Variants in GSE1 observed in about 807,000 individuals in gnomAD.
The protein encoded by GSE1 is Gse1 coiled-coil protein.
A neutral mutation model predicts 112.6 loss-of-function variants in GSE1; 32 were observed. The ratio of observed to expected loss-of-function variants is 0.28; its 90% CI spans 0.21 to 0.38. The LOEUF (loss-of-function observed/expected upper bound fraction) is 0.38, where lower values mean the gene tolerates loss of function less well. Ranked by LOEUF, GSE1 falls within the 10% of genes least tolerant of loss-of-function variation. The probability of loss-of-function intolerance (pLI) is 1.00; values close to 1 mark genes in which losing one functional copy is unlikely to be tolerated. For missense variants in GSE1, 2,348 were observed against 1,699.2 expected, an observed-to-expected ratio of 1.38 and a Z score of -6.71; for synonymous variants, 1,115 against 735.6, an observed-to-expected ratio of 1.52 and a Z score of -8.35.
intron 14 of GSE1, among the ~76,000 whole-genome samples, chr16:85,669,181 A>G (rs1372085961): frequency 2.6e-5 from 4 of 152,364 alleles, no homozygotes; most frequent in African/African-American, 7.2e-5. Context: ...GGAACAGCAG[A>G]GGTACCCAGC....
At chr16:85,331,343 G>GTATATATATA (rs1567692416) in intron 1 of GSE1, among the ~76,000 whole-genome samples, 14 of 84,310 alleles carry the variant, frequency 1.7e-4, no homozygotes, top group African/African-American at 5.1e-4. Flanking sequence ...GTGTGTGTGT[G>GTATATATATA]TGTGTGTGTG....
chr16:85,453,168 G>A (rs190633199), intron 2 of GSE1, among the ~76,000 whole-genome samples: 2 of 151,928 alleles, frequency 1.3e-5, no homozygotes, highest in African/African-American at 4.8e-5. Flanking sequence ...CTCCCGTATC[G>A]GGGGAAGGTT....
chr16:85,357,876 G>T (rs140255261), intron 2 of GSE1, among the ~76,000 whole-genome samples: 1 of 152,196 alleles, frequency 6.6e-6, no homozygotes, highest in Non-Finnish European at 1.5e-5. Context: ...CGATACTCTC[G>T]CCTGCTGGGC....
Position 85,311,324 on chromosome 16 carries a change from G to A in GSE1, c.2284-46139G>A, listed in dbSNP as rs571508830. Among the ~76,000 whole-genome samples the A allele has an allele frequency of 7.9e-5, 12 of 152,346 alleles. No homozygotes were observed. In the South Asian group the frequency reaches 1.9e-3, roughly 24 times the overall value. ...GGGCTCCCTGGACAGGGTGGGCGTCGTTAGAGCAGAAACGGTGGTGGCAGG... is the reference window on the plus strand; with the variant it reads ...GGGCTCCCTGGACAGGGTGGGCGTCATTAGAGCAGAAACGGTGGTGGCAGG... On this transcript the variant is annotated intron_variant, in intron 1 of 2. Coordinates refer to the GSE1 transcript ENST00000637419. The surrounding 1 kb of genome is among the most constrained non-coding windows in gnomAD (Gnocchi z 4.2).
At chr16:85,411,903 C>G (rs1327890167) in intron 2 of GSE1, among the ~76,000 whole-genome samples, 114 of 4,760 alleles carry the variant, frequency 0.024, no homozygotes, top group Admixed American at 0.094. Flanking sequence ...TACACTCAGG[C>G]CCCCCCTGGA....
intron 1 of GSE1, among the ~76,000 whole-genome samples, chr16:85,230,158 A>T (rs1904274720): frequency 6.6e-6 from 1 of 152,192 alleles, no homozygotes; most frequent in Non-Finnish European, 1.5e-5. Context: ...CACGTAGGAA[A>T]ACTGAAGCTA....
At chr16:85,375,748 C>A (rs1230867020) in intron 2 of GSE1, among the ~76,000 whole-genome samples, 1 of 147,854 alleles carries the variant, frequency 6.8e-6, no homozygotes, top group African/African-American at 2.5e-5. Flanking sequence ...CTGCCTGTCT[C>A]TCCCGGGGGC....
chr16:85,556,050 G>A, exon 1 of GSE1: 2 of 984,772 alleles, frequency 2.0e-6, no homozygotes, highest in South Asian at 9.4e-5. Flanking sequence ...GTCCTTGGTC[G>A]TCAATTACCT....
chr16:85,563,879 C>T (rs1304134074), intron 1 of GSE1, among the ~76,000 whole-genome samples: 2 of 152,232 alleles, frequency 1.3e-5, no homozygotes, highest in Non-Finnish European at 2.9e-5. Context: ...CCGGGCTGTG[C>T]CACTGTGGCG....
rs765265161 is a variant in GSE1 at position 85,661,705 on chromosome 16, C to G, written c.2200C>G (p.Arg734Gly). 1 of 1,599,144 alleles carries G rather than the reference C, an allele frequency of 6.3e-7. No individual in the cohort carries two copies. The highest frequency in any genetic ancestry group is 8.5e-7 in the Non-Finnish European group (1 of 1,172,864). Residue 734 changes from arginine (R) to glycine (G), a missense_variant, in exon 9 of 16, where the codon CGG becomes GGG. Coordinates refer to ENST00000253458, the MANE Select transcript of GSE1 (RefSeq NM_014615.5). ...YIYDEFLQQR[R>G]RLVSKLDLEE... ...CTATGATGAGTTCCTGCAGCAGCGC[C>G]GGAGGCTGGTCAGCAAGCTGGACCT...
At chr16:85,445,443 G>A (rs528650025) in intron 2 of GSE1, among the ~76,000 whole-genome samples, 3 of 152,328 alleles carry the variant, frequency 2.0e-5, no homozygotes, top group African/African-American at 7.2e-5. Context: ...ACAGCGAGGG[G>A]GGGCGGCCAG....
chr16:85,664,555 A>T (rs2052681809), intron 11 of GSE1: 1 of 154,000 alleles, frequency 6.5e-6, no homozygotes, highest in African/African-American at 2.4e-5. Context: ...GGGTGACATC[A>T]GGGATCTGCT....
chr16:85,204,100 AC>A (rs1175539794), intron 1 of GSE1, among the ~76,000 whole-genome samples: 4 of 152,136 alleles, frequency 2.6e-5, no homozygotes, highest in Non-Finnish European at 5.9e-5. Flanking sequence ...CCTAAAGGAT[AC>A]CCATACCTGT....
chr16:85,255,728 C>CT (rs1324540733), intron 1 of GSE1, among the ~76,000 whole-genome samples: 2 of 150,050 alleles, frequency 1.3e-5, no homozygotes, highest in East Asian at 2.0e-4. Context: ...TTCTTTCTTT[C>CT]TTTTTTTTGG....
intron 1 of GSE1, among the ~76,000 whole-genome samples, chr16:85,246,651 G>A (rs957115040): frequency 1.3e-5 from 2 of 152,104 alleles, no homozygotes; most frequent in Non-Finnish European, 2.9e-5. Flanking sequence ...AATCTCAGCA[G>A]GGGTTCTGGG....
intron 2 of GSE1, among the ~76,000 whole-genome samples, chr16:85,504,934 A>G (rs906382911): frequency 4.6e-5 from 7 of 152,164 alleles, no homozygotes; most frequent in African/African-American, 1.7e-4. Context: ...TCTGAAAGGA[A>G]GTTATGACGA....
intron 2 of GSE1, 47 bp from the exon 3 acceptor site, chr16:85,648,481 AGGTCCCCAGCTGGCACTGCACGTG>A: frequency 2.6e-6 from 2 of 758,112 alleles, no homozygotes; most frequent in South Asian, 3.8e-5. Context: ...GCTGGAGCCC[AGGTCCCCAGCTGGCACTGCACGTG>A]GCTGTCACTG....
intron 14 of GSE1, among the ~76,000 whole-genome samples, chr16:85,669,761 CAT>C (rs577528040): frequency 1.2e-3 from 189 of 152,320 alleles, no homozygotes; most frequent in African/African-American, 4.5e-3. Flanking sequence ...GCGTAGGATT[CAT>C]GTGTGTGTAC....
chr16:85,551,417 G>A (rs143425780), upstream of GSE1, among the ~76,000 whole-genome samples: 1 of 152,314 alleles, frequency 6.6e-6, no homozygotes, highest in Non-Finnish European at 1.5e-5. Context: ...AGCTCCCCTG[G>A]GAATGAATGG....
Sources: allele counts gnomAD v4.1 joint callset (sites outside exome capture counted in the v4.1 genomes callset), GRCh38; gene constraint gnomAD v4.1.1; non-coding constraint Gnocchi (gnomAD v3.1); transcripts MANE v1.5; gene names NCBI Gene and HGNC (gene_info 2026-07-23, HGNC 2026-07-21).